The following MYCT1 variants were observed in gnomAD, a reference collection of about 807,000 sequenced individuals.
MYCT1 encodes the protein myc target protein 1.
MYCT1 carries 12 observed loss-of-function variants against 15.0 expected under a neutral mutation model. The ratio of observed to expected loss-of-function variants is 0.80; its 90% CI spans 0.51 to 1.29. The LOEUF (loss-of-function observed/expected upper bound fraction) is 1.29, where lower values mean the gene tolerates loss of function less well. MYCT1 is among the 50% of genes most tolerant of loss of function. The probability of loss-of-function intolerance (pLI) is 0.00; values close to 1 mark genes in which losing one functional copy is unlikely to be tolerated. For missense variants in MYCT1, 287 were observed against 279.1 expected, an observed-to-expected ratio of 1.03 and a Z score of -0.20; for synonymous variants, 104 against 102.7, an observed-to-expected ratio of 1.01 and a Z score of -0.07.
the MYCT1 span, among the ~76,000 whole-genome samples, chr6:152,740,032 T>A: frequency 6.6e-6 from 1 of 152,132 alleles, no homozygotes; most frequent in East Asian, 1.9e-4. Context: ...ATATGTATAT[T>A]GTTATTGTTA....
intron 1 of MYCT1, among the ~76,000 whole-genome samples, chr6:152,707,846 T>C (rs998471315): frequency 2.6e-5 from 4 of 152,072 alleles, no homozygotes; most frequent in African/African-American, 9.7e-5. Flanking sequence ...CTATTATGTT[T>C]CATTAATCTA....
At chr6:152,727,743 C>T (rs1196494818), downstream of MYCT1, among the ~76,000 whole-genome samples, 2 of 151,488 alleles carry the variant, frequency 1.3e-5, no homozygotes, top group African/African-American at 2.5e-5. Flanking sequence ...CAAATCCCTG[C>T]TCCCAATGGC....
chr6:152,724,793 TC>T (rs2099725340), downstream of MYCT1, among the ~76,000 whole-genome samples: 1 of 151,910 alleles, frequency 6.6e-6, no homozygotes, highest in Admixed American at 6.6e-5. Context: ...GAGACACAAA[TC>T]CTTTTTCATA....
the MYCT1 span, among the ~76,000 whole-genome samples, chr6:152,739,491 A>C: frequency 6.6e-6 from 1 of 151,910 alleles, no homozygotes; most frequent in Non-Finnish European, 1.5e-5. Flanking sequence ...AGAATTTAAA[A>C]ATTTTGCAAG....
At chr6:152,729,131 A>G (rs2099726141), downstream of MYCT1, among the ~76,000 whole-genome samples, 1 of 152,176 alleles carries the variant, frequency 6.6e-6, no homozygotes, top group Non-Finnish European at 1.5e-5. Flanking sequence ...TTAGGAATAG[A>G]ATTTTTCAAA....
intron 1 of MYCT1, among the ~76,000 whole-genome samples, chr6:152,715,672 G>C (rs2099723514): frequency 1.3e-5 from 2 of 152,144 alleles, no homozygotes; most frequent in African/African-American, 2.4e-5. Flanking sequence ...TGTCATTTTA[G>C]GTGGAGCAGC....
In MYCT1 at chr6:152,721,994, T is replaced by C. The variant is rs971097368; in HGVS notation, c.449T>C (p.Leu150Pro). The change falls in exon 2 of 2, where the codon CTG becomes CCG. Residue 150 changes from leucine (L) to proline (P), a missense_variant. By Grantham distance (98) the Leu-to-Pro change is moderately conservative (BLOSUM62 -3). Coordinates refer to ENST00000367245, the MANE Select transcript of MYCT1 (RefSeq NM_025107.3). ...ASLTFQRQAS[L>P]EQANSFPRKS... The stretch of plus-strand genomic sequence containing the variant: ...CTCACCTTCCAGCGACAAGCTTCCC[T>C]GGAACAAGCAAATTCCTTTCCAAGA... 6.8e-6 allele frequency: 11 copies of C among 1,614,188 alleles called. No homozygotes were observed. Among genetic ancestry groups the C allele is most frequent in the East Asian group, 2.2e-5 (1 of 44,878 alleles).
rs905644971 is a variant in MYCT1 at position 152,707,595 on chromosome 6, C to G, written c.196+9497C>G. 8.6e-5 allele frequency among the ~76,000 whole-genome samples: 13 copies of G among 150,624 alleles called. 1 individual carries two copies. Among genetic ancestry groups the G allele is most frequent in the Admixed American group, 5.3e-4 (8 of 15,146 alleles). ...CCCAGATCAATATCAAGCTTTTTCC[C>G]TATGTTGTCCTCTAGTAGTTTTTTG... On this transcript the variant is annotated intron_variant, in intron 1 of 1. Coordinates refer to ENST00000367245, the MANE Select transcript of MYCT1 (RefSeq NM_025107.3).
intron 1 of MYCT1, chr6:152,706,211 G>A (rs1045562603): frequency 7.7e-6 from 6 of 783,402 alleles, no homozygotes; most frequent in Admixed American, 1.8e-5. Context: ...CTTCAGAGAA[G>A]TCAGTTGGAG....
In MYCT1 at chr6:152,699,104, C is replaced by G. The variant is rs553589732; in HGVS notation, c.196+1006C>G. ...CCTCTCAGTGTACAATTCAGACTTT[C>G]TGCTGTGATTCAAGGTGGGGTTTTG... On this transcript the variant is annotated intron_variant, in intron 1 of 1. Transcript: ENST00000367245. Among the ~76,000 whole-genome samples, 5 of 152,312 alleles carry G rather than the reference C, an allele frequency of 3.3e-5. No individual in the cohort carries two copies. In the South Asian group the frequency reaches 8.3e-4, roughly 25 times the overall value.
chr6:152,735,014 A>G, the MYCT1 span, among the ~76,000 whole-genome samples: 1 of 152,236 alleles, frequency 6.6e-6, no homozygotes, highest in South Asian at 2.1e-4. Flanking sequence ...AAATCAGGCA[A>G]TGCTTATGAG....
intron 1 of MYCT1, among the ~76,000 whole-genome samples, chr6:152,703,115 TA>T (rs2099721631): frequency 6.6e-6 from 1 of 152,222 alleles, no homozygotes; most frequent in East Asian, 1.9e-4. Flanking sequence ...CCTACTTTTC[TA>T]TTACTGGGAA....
chr6:152,743,692 C>T, the MYCT1 span, among the ~76,000 whole-genome samples: 213 of 152,266 alleles, frequency 1.4e-3, 3 homozygotes, highest in African/African-American at 4.8e-3. Context: ...GTGAAAGGTC[C>T]AGATCTCAGC....
intron 1 of MYCT1, among the ~76,000 whole-genome samples, chr6:152,701,917 G>T (rs1204591017): frequency 6.6e-6 from 1 of 152,150 alleles, no homozygotes; most frequent in Admixed American, 6.6e-5. Context: ...AGGAGGTTGG[G>T]CTACATCAGG....
At chr6:152,742,631 C>A in the MYCT1 span, among the ~76,000 whole-genome samples, 1 of 152,090 alleles carries the variant, frequency 6.6e-6, no homozygotes, top group South Asian at 2.1e-4. Flanking sequence ...CTAGTGGAAC[C>A]CTATTTGAGT....
chr6:152,726,501 G>A (rs1260407263), downstream of MYCT1, among the ~76,000 whole-genome samples: 2 of 151,838 alleles, frequency 1.3e-5, no homozygotes, highest in East Asian at 1.9e-4. Flanking sequence ...CATGCCTCAT[G>A]GGGCCCCACA....
chr6:152,706,950 G>A lies in MYCT1; in HGVS notation c.196+8852G>A, dbSNP rs142796345. Among the ~76,000 whole-genome samples the A allele has an allele frequency of 8.3e-4, 126 of 152,000 alleles. 1 individual carries two copies. The highest frequency in any genetic ancestry group is 2.8e-3 in the African/African-American group (114 of 41,438). ...AGGTGGATTATGTATTTTGGCCATT[G>A]TGACAATGCTGCAATGAACATGGAA... is the stretch of plus-strand genomic sequence containing the variant. On this transcript the variant is annotated intron_variant, in intron 1 of 1. Transcript: ENST00000367245.
At chr6:152,729,925 G>T in the MYCT1 span, among the ~76,000 whole-genome samples, 1 of 152,120 alleles carries the variant, frequency 6.6e-6, no homozygotes, top group Non-Finnish European at 1.5e-5. Flanking sequence ...CTTCCAGATG[G>T]CTCAAACTAT....
the MYCT1 span, among the ~76,000 whole-genome samples, chr6:152,731,995 T>G: frequency 6.6e-6 from 1 of 151,890 alleles, no homozygotes. Flanking sequence ...AACTACAGAG[T>G]GAAGGATGCA....
Sources: gnomAD v4.1 joint callset for allele counts (sites outside exome capture counted in the v4.1 genomes callset) on GRCh38, gnomAD v4.1.1 for gene constraint, MANE v1.5 for transcripts, NCBI Gene and HGNC (gene_info 2026-07-23, HGNC 2026-07-21) for gene names.